The following TPST2 variants were observed in gnomAD, a reference collection of about 807,000 sequenced individuals.
TPST2 encodes protein-tyrosine sulfotransferase 2.
TPST2 carries 16 observed loss-of-function variants against 27.8 expected under a neutral mutation model. The observed-to-expected ratio is 0.58, with a 90% CI of 0.39 to 0.88. The LOEUF (loss-of-function observed/expected upper bound fraction) is 0.88. Among genes scored for constraint, TPST2 ranks in the 40% least tolerant of loss-of-function variants. The pLI is 0.00. For synonymous variants in TPST2, 229 were observed against 231.7 expected (o/e 0.99, Z 0.10); for missense variants, 464 against 543.1 (o/e 0.85, Z 1.45).
chr22:26,558,293 C>T lies in TPST2; in HGVS notation c.-160-13618G>A, dbSNP rs191337185. Among the ~76,000 whole-genome samples the T allele has an allele frequency of 3.1e-3, 469 of 151,808 alleles. 10 individuals carry two copies. Among genetic ancestry groups the T allele is most frequent in the Non-Finnish European group, 6.3e-4 (43 of 67,944 alleles). ...AGCTGGGATTACAGGCACTGGGCCA[C>T]AACACTGGCTAATTTTTTTGTATTT... On this transcript the variant is annotated intron_variant, in intron 1 of 6. Coordinates refer to ENST00000338754, the MANE Select transcript of TPST2 (RefSeq NM_003595.5).
chr22:26,589,689 T>G (rs1352974014), intron 1 of TPST2, among the ~76,000 whole-genome samples: 1 of 152,058 alleles, frequency 6.6e-6, no homozygotes, highest in Admixed American at 6.5e-5. Context: ...TGGGCGAGGT[T>G]GGGGACTCCG....
In TPST2 at chr22:26,558,930, A is replaced by G. The variant is rs116890413; in HGVS notation, c.-160-14255T>C. ...TAAGCCACACTGGAGCCAAGGCAGA[A>G]AGAAAAAAATCAGTAATACTGATCC... On this transcript the variant is annotated intron_variant, in intron 1 of 6. Transcript: ENST00000338754. Among the ~76,000 whole-genome samples the G allele has an allele frequency of 3.8e-3, 573 of 152,378 alleles. 9 individuals carry two copies. The highest frequency in any genetic ancestry group is 0.036 in the East Asian group (187 of 5,192).
chr22:26,582,149 G>A (rs577634042), intron 1 of TPST2, among the ~76,000 whole-genome samples: 19 of 152,148 alleles, frequency 1.2e-4, no homozygotes, highest in Admixed American at 5.9e-4. Flanking sequence ...CACTTTAGCC[G>A]GGCGCTGTGG....
intron 3 of TPST2, among the ~76,000 whole-genome samples, chr22:26,537,477 G>T (rs1471186386): frequency 6.6e-6 from 1 of 152,144 alleles, no homozygotes; most frequent in Non-Finnish European, 1.5e-5. Context: ...TTTGGAGATG[G>T]AGTCTCACTC....
chr22:26,544,996 T>C (rs900070810), intron 1 of TPST2, among the ~76,000 whole-genome samples: 7 of 152,144 alleles, frequency 4.6e-5, no homozygotes, highest in African/African-American at 1.7e-4. Flanking sequence ...CCTAGGGACC[T>C]TGGACTCCAG....
At chr22:26,578,230 A>C (rs1029774085) in intron 1 of TPST2, among the ~76,000 whole-genome samples, 3 of 152,164 alleles carry the variant, frequency 2.0e-5, no homozygotes, top group African/African-American at 7.2e-5. Context: ...GAGGAAGCCA[A>C]GGCACAGAAA....
chr22:26,580,316 G>A (rs957169102), intron 1 of TPST2, among the ~76,000 whole-genome samples: 1 of 152,282 alleles, frequency 6.6e-6, no homozygotes, highest in Admixed American at 6.5e-5. Flanking sequence ...CCTGGAACAG[G>A]AACCTCAGCT....
chr22:26,525,696 A>G lies in TPST2; in HGVS notation c.*579T>C, dbSNP rs1398545857. On this transcript the variant is annotated 3_prime_UTR_variant, in exon 7 of 7. Transcript: ENST00000338754. ...TATATTCTCCAGCTTTTTGCTCATC[A>G]CAAATCTACCTGACAAAATCCAGTA... The G allele has an allele frequency of 6.6e-6, 1 of 152,264 alleles. No homozygotes were observed. Among genetic ancestry groups the G allele is most frequent in the Admixed American group, 6.6e-5 (1 of 15,266 alleles). The allele number at this position is 152,264 out of a possible 1,614,324, so 9.4% of individuals were successfully genotyped here.
At chr22:26,581,048 A>ACG (rs1291388565) in intron 1 of TPST2, among the ~76,000 whole-genome samples, 1 of 66,354 alleles carries the variant, frequency 1.5e-5, no homozygotes, top group Non-Finnish European at 3.6e-5. Context: ...ACACACACAC[A>ACG]CACACGCACA....
intron 5 of TPST2, among the ~76,000 whole-genome samples, chr22:26,531,535 T>C (rs1345102914): frequency 2.6e-5 from 4 of 152,230 alleles, no homozygotes; most frequent in African/African-American, 9.6e-5. Context: ...GCGTTTACAG[T>C]TCCCTCTGCC....
intron 5 of TPST2, among the ~76,000 whole-genome samples, chr22:26,532,312 G>A (rs1260787213): frequency 6.6e-6 from 1 of 152,218 alleles, no homozygotes; most frequent in Non-Finnish European, 1.5e-5. Flanking sequence ...ATGGAGTCTC[G>A]CTCTGTCGCT....
At chr22:26,555,194 G>A (rs1208782803) in intron 1 of TPST2, 3 of 533,682 alleles carry the variant, frequency 5.6e-6, no homozygotes, top group Non-Finnish European at 1.2e-5. Context: ...CCCTCTCTGT[G>A]AAACACCGCT....
At chr22:26,566,624 C>A (rs1395601503) in intron 1 of TPST2, among the ~76,000 whole-genome samples, 1 of 151,772 alleles carries the variant, frequency 6.6e-6, no homozygotes, top group Admixed American at 6.6e-5. Flanking sequence ...TGGTAGCAGG[C>A]GCCTGTAATC....
chr22:26,540,122 G>C (rs1425997682), intron 3 of TPST2, among the ~76,000 whole-genome samples: 1 of 152,170 alleles, frequency 6.6e-6, no homozygotes, highest in Non-Finnish European at 1.5e-5. Context: ...GTATCTATAA[G>C]GTAGGCAAAT....
chr22:26,532,615 T>G, intron 5 of TPST2, 80 bp downstream of exon 5: 1 of 1,416,570 alleles, frequency 7.1e-7, no homozygotes, highest in Non-Finnish European at 9.8e-7. Flanking sequence ...AGTGGAGAAG[T>G]GACACATCTA....
intron 1 of TPST2, among the ~76,000 whole-genome samples, chr22:26,561,616 GA>G (rs890513615): frequency 3.3e-5 from 5 of 151,680 alleles, no homozygotes; most frequent in Admixed American, 1.3e-4. Context: ...TTTTTTATTA[GA>G]AAAAAAAGAT....
intron 1 of TPST2, among the ~76,000 whole-genome samples, chr22:26,550,873 G>A (rs1926432776): frequency 6.6e-6 from 1 of 152,180 alleles, no homozygotes; most frequent in African/African-American, 2.4e-5. Flanking sequence ...AATGGGGTGT[G>A]AGTAAGGGAA....
intron 1 of TPST2, among the ~76,000 whole-genome samples, chr22:26,569,949 CAAAA>C (rs71192942): frequency 7.3e-5 from 3 of 41,258 alleles, no homozygotes; most frequent in Non-Finnish European, 9.2e-5. Flanking sequence ...AAGACTCTGT[CAAAA>C]AAAAAAAAAA....
At chr22:26,579,982 C>T (rs1008126553) in intron 1 of TPST2, among the ~76,000 whole-genome samples, 63 of 152,156 alleles carry the variant, frequency 4.1e-4, no homozygotes, top group African/African-American at 1.4e-3. Context: ...CAGAGGCTTA[C>T]GTCTGTAATC....
Sources: allele counts gnomAD v4.1 joint callset (sites outside exome capture counted in the v4.1 genomes callset), GRCh38; gene constraint gnomAD v4.1.1; transcripts MANE v1.5; gene names NCBI Gene and HGNC (gene_info 2026-07-23, HGNC 2026-07-21).